The following MAP3K13 variants were observed in gnomAD, a reference collection of about 807,000 sequenced individuals.
MAP3K13 encodes leucine zipper-bearing kinase.
Under a neutral mutation model 104.0 loss-of-function variants are expected in MAP3K13, and 52 were observed. The ratio of observed to expected loss-of-function variants is 0.50; its 90% CI spans 0.40 to 0.63. MAP3K13 has a LOEUF of 0.63. Ranked by LOEUF, MAP3K13 falls within the 20% of genes least tolerant of loss-of-function variation. The probability of loss-of-function intolerance (pLI) is 0.00; values close to 1 mark genes in which losing one functional copy is unlikely to be tolerated. For missense variants in MAP3K13, 914 were observed against 1,218.5 expected (o/e 0.75, Z 3.72); for synonymous variants, 394 against 442.2 (o/e 0.89, Z 1.37).
chr3:185,340,616 C>T (rs1722682487), intron 2 of MAP3K13, among the ~76,000 whole-genome samples: 1 of 152,072 alleles, frequency 6.6e-6, no homozygotes. Flanking sequence ...TGGCTGTGTC[C>T]CCACCCAAAA....
chr3:185,361,191 T>TAC (rs1227687900), upstream of MAP3K13, among the ~76,000 whole-genome samples: 33 of 149,168 alleles, frequency 2.2e-4, no homozygotes, highest in Middle Eastern at 3.5e-3. Flanking sequence ...TATATATATA[T>TAC]ACACACACAC....
chr3:185,438,142 T>G (rs1329571166), intron 3 of MAP3K13, among the ~76,000 whole-genome samples: 1 of 151,980 alleles, frequency 6.6e-6, no homozygotes, highest in Non-Finnish European at 1.5e-5. Context: ...AAAAATTTTT[T>G]TTAATTAGCT....
chr3:185,417,878 C>G (rs1236319606), intron 1 of MAP3K13: 4 of 1,604,070 alleles, frequency 2.5e-6, no homozygotes, highest in Non-Finnish European at 3.4e-6. Context: ...GCTCAAAGGG[C>G]TCTTTGGATC....
chr3:185,284,971 C>A (rs1233746902), intron 1 of MAP3K13, among the ~76,000 whole-genome samples: 1 of 151,844 alleles, frequency 6.6e-6, no homozygotes, highest in Non-Finnish European at 1.5e-5. Context: ...GCTCTGGTTT[C>A]AGAATCTTAC....
intron 2 of MAP3K13, among the ~76,000 whole-genome samples, chr3:185,310,768 T>A (rs4687211): frequency 0.78 from 118,151 of 152,140 alleles, 46,428 homozygotes; most frequent in Non-Finnish European, 0.84. Flanking sequence ...TGAAAATAAC[T>A]TGATATAACT....
intron 1 of MAP3K13, among the ~76,000 whole-genome samples, chr3:185,369,584 A>T (rs1218572686): frequency 1.3e-5 from 2 of 152,218 alleles, no homozygotes; most frequent in Non-Finnish European, 2.9e-5. Flanking sequence ...CACCACTGAG[A>T]ATCACTGCAT....
intron 2 of MAP3K13, among the ~76,000 whole-genome samples, chr3:185,431,003 G>A (rs1369882719): frequency 6.6e-6 from 1 of 152,182 alleles, no homozygotes; most frequent in Non-Finnish European, 1.5e-5. Context: ...CGAAGGGGAA[G>A]CAAGAAGGTC....
upstream of MAP3K13, among the ~76,000 whole-genome samples, chr3:185,362,696 A>G (rs1179333692): frequency 6.6e-6 from 1 of 152,170 alleles, no homozygotes; most frequent in Non-Finnish European, 1.5e-5. Context: ...TGAGCAGGGC[A>G]TACATGTCCA....
At chr3:185,405,286 G>T (rs936949722) in intron 1 of MAP3K13, among the ~76,000 whole-genome samples, 2 of 152,140 alleles carry the variant, frequency 1.3e-5, no homozygotes, top group African/African-American at 4.8e-5. Context: ...CTACACATTT[G>T]CACATTCCAA....
chr3:185,463,709 T>A, intron 8 of MAP3K13, 50 bp downstream of exon 8: 1 of 1,044,836 alleles, frequency 9.6e-7, no homozygotes, highest in Non-Finnish European at 1.5e-6. Flanking sequence ...GGTCTTCAGA[T>A]GTTAACAGGC....
At chr3:185,447,757 TC>T in intron 4 of MAP3K13, 31 bp from the exon 5 acceptor site, 1 of 1,549,678 alleles carries the variant, frequency 6.5e-7, no homozygotes, top group Non-Finnish European at 8.8e-7. Context: ...GTACTAATGA[TC>T]CAGATGTTTT....
chr3:185,471,151 C>G (rs1008270474), intron 10 of MAP3K13, among the ~76,000 whole-genome samples: 37 of 152,110 alleles, frequency 2.4e-4, no homozygotes, highest in African/African-American at 8.9e-4. Context: ...GGAGGACTCT[C>G]TGGTGAAGGT....
intron 2 of MAP3K13, among the ~76,000 whole-genome samples, chr3:185,308,576 G>A (rs2108684776): frequency 6.6e-6 from 1 of 152,268 alleles, no homozygotes; most frequent in East Asian, 1.9e-4. Flanking sequence ...TGTCGGCTGT[G>A]CTGCAGGTTC....
chr3:185,324,254 G>A (rs1030527594), intron 2 of MAP3K13, among the ~76,000 whole-genome samples: 29 of 152,074 alleles, frequency 1.9e-4, no homozygotes, highest in African/African-American at 6.0e-4. Context: ...TCCTGACCTC[G>A]TGATCCGCCT....
rs2108689738 is a variant in MAP3K13, at chr3:185,315,887, AAGAG to A, written c.-86+30248_-86+30251del. ...CAAAACTAACCACAGAAAAGTGAGA[AAGAG>A]AGAAGTTCTGAATAGGAGATATTAA... On this transcript the variant is annotated intron_variant, in intron 2 of 14. Transcript: ENST00000424227. This position sits in a 1 kb window ranked among gnomAD's most constrained non-coding sequence, Gnocchi z 4.3. Among the ~76,000 whole-genome samples the A allele has an allele frequency of 6.6e-6, 1 of 152,310 alleles. No homozygotes were observed. Among genetic ancestry groups the A allele is most frequent in the South Asian group, 2.1e-4 (1 of 4,832 alleles).
At chr3:185,458,116 C>G (rs1385380232) in intron 7 of MAP3K13, among the ~76,000 whole-genome samples, 1 of 152,084 alleles carries the variant, frequency 6.6e-6, no homozygotes, top group East Asian at 1.9e-4. Context: ...TGCCTGTAAT[C>G]CCAGCACTTT....
intron 2 of MAP3K13, among the ~76,000 whole-genome samples, chr3:185,304,922 G>A (rs551748212): frequency 3.4e-5 from 2 of 58,546 alleles, no homozygotes; most frequent in South Asian, 9.9e-4. Flanking sequence ...GTGAGCCACC[G>A]CACCCGGCCA....
chr3:185,339,656 C>T (rs548885199), intron 2 of MAP3K13, among the ~76,000 whole-genome samples: 2 of 152,322 alleles, frequency 1.3e-5, no homozygotes, highest in South Asian at 4.1e-4. Flanking sequence ...TAGCAACTAC[C>T]TAATTCTGCC....
chr3:185,370,997 A>C (rs905688656), intron 1 of MAP3K13, among the ~76,000 whole-genome samples: 1 of 152,200 alleles, frequency 6.6e-6, no homozygotes, highest in Non-Finnish European at 1.5e-5. Flanking sequence ...AATTGAAAAA[A>C]TGAAGACCCA....
Sources: allele counts gnomAD v4.1 joint callset (sites outside exome capture counted in the v4.1 genomes callset), GRCh38; gene constraint gnomAD v4.1.1; non-coding constraint Gnocchi (gnomAD v3.1); transcripts MANE v1.5; gene names NCBI Gene and HGNC (gene_info 2026-07-23, HGNC 2026-07-21).